The following VAC14 variants were observed in gnomAD, a reference collection of about 807,000 sequenced individuals.
VAC14 encodes VAC14 component of PIKFYVE complex.
A neutral mutation model predicts 85.3 loss-of-function variants in VAC14; 47 were observed. That is an observed-to-expected ratio of 0.55 (90% CI 0.44 to 0.70). VAC14 has a LOEUF of 0.70. Ranked by LOEUF, VAC14 falls within the 30% of genes least tolerant of loss-of-function variation. The pLI, the probability that VAC14 is intolerant of heterozygous loss-of-function variation, is 0.00. For synonymous variants in VAC14, 447 were observed against 430.5 expected (o/e 1.04, Z -0.47); for missense variants, 861 against 1,004.3 (o/e 0.86, Z 1.93).
At chr16:70,721,788 A>G in intron 14 of VAC14, among the ~76,000 whole-genome samples, 1 of 152,104 alleles carries the variant, frequency 6.6e-6, no homozygotes, top group East Asian at 1.9e-4. Context: ...GCTGCTCTGC[A>G]GACAGGGTTA....
intron 1 of VAC14, among the ~76,000 whole-genome samples, chr16:70,798,722 G>A (rs928145856): frequency 7.9e-5 from 12 of 152,274 alleles, no homozygotes; most frequent in Non-Finnish European, 1.5e-4. Context: ...CATAGGTCTG[G>A]AGCAAAGCTG....
chr16:70,797,322 T>C (rs998089054), intron 1 of VAC14, among the ~76,000 whole-genome samples: 14 of 152,164 alleles, frequency 9.2e-5, no homozygotes, highest in Admixed American at 3.3e-4. Flanking sequence ...TAGGGTTACA[T>C]TGGGCCCACC....
rs368351508 is a variant in VAC14, at chr16:70,786,391, T to C, written c.105-26A>G. 9.9e-6 allele frequency: 16 copies of C among 1,608,638 alleles called. No homozygotes were observed. The African/African-American group carries it at 1.5e-4, about 15-fold the overall frequency. On this transcript the variant is annotated intron_variant, in intron 1 of 18. Coordinates refer to ENST00000261776, the MANE Select transcript of VAC14 (RefSeq NM_018052.5). ...CTGGAGAGAGAGGAGAGAGGGGCTG[T>C]GGGAATCAGGCTACCTCTGCTGTGG... is the stretch of plus-strand genomic sequence containing the variant.
chr16:70,729,284 C>A (rs768127271), intron 14 of VAC14, among the ~76,000 whole-genome samples: 1 of 152,164 alleles, frequency 6.6e-6, no homozygotes, highest in African/African-American at 2.4e-5. Context: ...CTAGAAGAGC[C>A]CAGAGAAGCA....
At chr16:70,777,084 G>T (rs565184317) in intron 9 of VAC14, among the ~76,000 whole-genome samples, 1 of 151,578 alleles carries the variant, frequency 6.6e-6, no homozygotes, top group Non-Finnish European at 1.5e-5. Context: ...TGGGATTACA[G>T]GTGTGAGCCA....
intron 1 of VAC14, among the ~76,000 whole-genome samples, chr16:70,794,727 A>AGGTCACAGCCCCCAGG (rs2034473520): frequency 6.6e-6 from 1 of 152,246 alleles, no homozygotes; most frequent in Non-Finnish European, 1.5e-5. Flanking sequence ...GTCTGCGTGT[A>AGGTCACAGCCCCCAGG]GGTCACAGCC....
rs373226084 is a variant in VAC14, at chr16:70,696,413, T to C, written c.1955+726A>G. On this transcript the variant is annotated intron_variant, in intron 16 of 18. Coordinates refer to ENST00000261776, the MANE Select transcript of VAC14 (RefSeq NM_018052.5). ...CTGTAATCCCAGCTACCTGGGAGGCTGAGGCAGGAGAATCACTTAAACCCA... is the reference window on the plus strand; with the variant it reads ...CTGTAATCCCAGCTACCTGGGAGGCCGAGGCAGGAGAATCACTTAAACCCA... Among the ~76,000 whole-genome samples, 5 of 152,318 alleles carry C rather than the reference T, an allele frequency of 3.3e-5. No homozygotes were observed. In the South Asian group the frequency reaches 1.0e-3, roughly 32 times the overall value.
chr16:70,687,796 C>T lies in VAC14; in HGVS notation c.*132G>A, dbSNP rs2053523499. 1 of 1,035,498 alleles carries T rather than the reference C, an allele frequency of 9.7e-7. No individual in the cohort carries two copies. The highest frequency in any genetic ancestry group is 1.3e-6 in the Non-Finnish European group (1 of 791,158). 64.1% of individuals were successfully genotyped at this position (1,035,498 alleles called of 1,614,324 possible). A position where few individuals can be genotyped will look rare whatever the true frequency, so the allele number is the denominator to read the frequency against. The stretch of plus-strand genomic sequence containing the variant: ...CTTGGGCAGACACAGCAGCCTCCGG[C>T]CCCAACACTGCCCTGGGTTGGCAGG... On this transcript the variant is annotated 3_prime_UTR_variant, in exon 19 of 19. Transcript: ENST00000261776.
chr16:70,780,981 CTG>C, intron 8 of VAC14, 42 bp from the exon 9 acceptor site: 3 of 1,610,524 alleles, frequency 1.9e-6, no homozygotes, highest in South Asian at 1.1e-5. Context: ...ATTTGGATGC[CTG>C]TCTCTCTAAA....
At chr16:70,729,931 C>T (rs758951553) in intron 14 of VAC14, among the ~76,000 whole-genome samples, 1 of 152,036 alleles carries the variant, frequency 6.6e-6, no homozygotes, top group African/African-American at 2.4e-5. Context: ...TTCTTCAATA[C>T]CTTCTTTTTG....
At chr16:70,771,837 TCCCC>T in intron 10 of VAC14, 1 of 388,324 alleles carries the variant, frequency 2.6e-6, no homozygotes, top group Non-Finnish European at 4.7e-6. Context: ...TGCCTTGGCC[TCCCC>T]AAGTGCTGGG....
chr16:70,781,999 G>T lies in VAC14; in HGVS notation c.816C>A (p.Asp272Glu). 6.2e-7 allele frequency: 1 copy of T among 1,613,670 alleles called. No homozygotes were observed. Among genetic ancestry groups the T allele is most frequent in the Non-Finnish European group, 8.5e-7 (1 of 1,179,784 alleles). Reference sequence around the variant, plus strand: ...AGCACATGGCTGTCAGCTGGATGAGGTCATCTGGAAGGGGAATCAGGGGGT... The same window carrying T: ...AGCACATGGCTGTCAGCTGGATGAGTTCATCTGGAAGGGGAATCAGGGGGT... ...ILVIHCQTTD[D>E]LIQLTAMCWM... Residue 272 changes from aspartate (D) to glutamate (E), a missense_variant, in exon 8 of 19, where the codon GAC (aspartate) becomes GAA (glutamate). Transcript: ENST00000261776.
At chr16:70,778,206 T>C (rs368887121) in intron 9 of VAC14, among the ~76,000 whole-genome samples, 85 of 152,284 alleles carry the variant, frequency 5.6e-4, no homozygotes, top group African/African-American at 1.7e-3. Flanking sequence ...AAAAGGTAGA[T>C]AGGCTGCACT....
intron 13 of VAC14, 133 bp from the exon 14 acceptor site, chr16:70,731,760 A>T: frequency 4.1e-6 from 4 of 982,254 alleles, no homozygotes; most frequent in Non-Finnish European, 5.7e-6. Flanking sequence ...GATGAGGGAA[A>T]ATCTCTAATC....
intron 14 of VAC14, among the ~76,000 whole-genome samples, chr16:70,720,792 T>C (rs1290641968): frequency 1.3e-5 from 2 of 152,198 alleles, no homozygotes; most frequent in Non-Finnish European, 2.9e-5. Flanking sequence ...TATCCGCCCA[T>C]GTGGTCTGGA....
intron 18 of VAC14, chr16:70,689,924 C>A: frequency 1.0e-6 from 1 of 985,490 alleles, no homozygotes; most frequent in Non-Finnish European, 1.2e-6. Context: ...CAGGGTGTGG[C>A]CAGACGCTCC....
chr16:70,689,376 T>C (rs966466259), intron 18 of VAC14: 2 of 985,326 alleles, frequency 2.0e-6, no homozygotes, highest in South Asian at 4.7e-5. Context: ...GGAGGCCATT[T>C]TGGGGGAGAC....
At chr16:70,746,835 C>T (rs376017489) in intron 12 of VAC14, among the ~76,000 whole-genome samples, 2 of 151,858 alleles carry the variant, frequency 1.3e-5, no homozygotes, top group Non-Finnish European at 2.9e-5. Flanking sequence ...CCAAGCACGG[C>T]CAGGGAGGGG....
intron 10 of VAC14, among the ~76,000 whole-genome samples, chr16:70,766,768 A>C (rs531841976): frequency 1.3e-5 from 2 of 152,162 alleles, no homozygotes; most frequent in South Asian, 4.2e-4. Flanking sequence ...GTGCCTAGGA[A>C]AGGGAGGGTC....
Sources: allele counts gnomAD v4.1 joint callset (sites outside exome capture counted in the v4.1 genomes callset), GRCh38; gene constraint gnomAD v4.1.1; transcripts MANE v1.5; gene names NCBI Gene and HGNC (gene_info 2026-07-23, HGNC 2026-07-21).